MYO6: variants seen among roughly 807,000 people sequenced by gnomAD.
MYO6 encodes myosin VI, also known as unconventional myosin-VI.
Under a neutral mutation model 178.7 loss-of-function variants are expected in MYO6, and 74 were observed. That is an observed-to-expected ratio of 0.41 (90% CI 0.34 to 0.50). The LOEUF is 0.50. Ranked by LOEUF, MYO6 falls within the 20% of genes least tolerant of loss-of-function variation. The pLI is 0.09. For missense variants in MYO6, 1,330 were observed against 1,547.4 expected (o/e 0.86, Z 2.36); for synonymous variants, 477 against 504.6 (o/e 0.95, Z 0.73).
Position 75,918,308 on chromosome 6 carries a change from G to T in MYO6, c.*3296G>T, listed in dbSNP as rs7741414. 16,424 of 146,258 alleles carry T rather than the reference G, an allele frequency of 0.11. 1,781 individuals carry two copies. The highest frequency in any genetic ancestry group is 0.27 in the African/African-American group (11,218 of 41,118). The allele number at this position is 146,258 out of a possible 1,614,324, so 9.1% of individuals were successfully genotyped here. A position where few individuals can be genotyped will look rare whatever the true frequency, so the allele number is the denominator to read the frequency against. On this transcript the variant is annotated 3_prime_UTR_variant, in exon 35 of 35. Transcript: ENST00000369977. The stretch of plus-strand genomic sequence containing the variant: ...ACATGAGAATAAGGACATGTTAGAG[G>T]GGGGGAAACAGTTGTAACAATAAGG...
chr6:75,790,570 T>C (rs1768125622), intron 1 of MYO6, among the ~76,000 whole-genome samples: 1 of 152,022 alleles, frequency 6.6e-6, no homozygotes, highest in South Asian at 2.1e-4. Flanking sequence ...TTAGTAGAGA[T>C]GTTTCACCAT....
At chr6:75,901,972 A>T (rs529455524) in intron 30 of MYO6, among the ~76,000 whole-genome samples, 1 of 152,202 alleles carries the variant, frequency 6.6e-6, no homozygotes, top group Admixed American at 6.5e-5. Context: ...TTCTGCATCT[A>T]TTGAGATAAT....
chr6:75,789,444 G>T (rs1206833268), intron 1 of MYO6, among the ~76,000 whole-genome samples: 1 of 152,028 alleles, frequency 6.6e-6, no homozygotes, highest in Non-Finnish European at 1.5e-5. Context: ...ACCTGTGGTT[G>T]TTCACTCTTC....
At chr6:75,861,181 A>G (rs770663347) in intron 15 of MYO6, 86 bp downstream of exon 15, 29 of 1,036,956 alleles carry the variant, frequency 2.8e-5, no homozygotes, top group Non-Finnish European at 4.1e-5. Flanking sequence ...TTTAATTGAC[A>G]TTACTTGTTA....
chr6:75,860,997 T>G, intron 14 of MYO6, 26 bp from the exon 15 acceptor site: 1 of 1,476,504 alleles, frequency 6.8e-7, no homozygotes, highest in Non-Finnish European at 9.5e-7. Flanking sequence ...TTGCTGTATC[T>G]ATGATTATGA....
intron 23 of MYO6, among the ~76,000 whole-genome samples, chr6:75,882,824 GA>G (rs985450419): frequency 1.2e-4 from 18 of 152,106 alleles, no homozygotes; most frequent in Non-Finnish European, 2.9e-5. Context: ...TATTCATAAA[GA>G]ATAGGGCGAA....
At chr6:75,908,919 ACACT>A (rs1780554362) in intron 32 of MYO6, among the ~76,000 whole-genome samples, 1 of 152,234 alleles carries the variant, frequency 6.6e-6, no homozygotes, top group Admixed American at 6.5e-5. Context: ...ACACGTGCAC[ACACT>A]CACAAGATTA....
chr6:75,895,304 C>CT, intron 29 of MYO6, 44 bp downstream of exon 29: 1 of 1,478,916 alleles, frequency 6.8e-7, no homozygotes, highest in Non-Finnish European at 9.4e-7. Flanking sequence ...GTTGTAGATA[C>CT]TTTTTGGGAG....
chr6:75,911,347 A>T (rs1177682578), intron 32 of MYO6, among the ~76,000 whole-genome samples: 1 of 152,010 alleles, frequency 6.6e-6, no homozygotes, highest in Non-Finnish European at 1.5e-5. Context: ...TATGAAAGGT[A>T]CTATAATGTC....
At chr6:75,789,343 G>T (rs1196438422) in intron 1 of MYO6, among the ~76,000 whole-genome samples, 2 of 152,048 alleles carry the variant, frequency 1.3e-5, no homozygotes, top group Non-Finnish European at 2.9e-5. Context: ...GGAGATACAT[G>T]GTCTTTCATT....
At chr6:75,837,315 C>A (rs1195653107) in intron 7 of MYO6, among the ~76,000 whole-genome samples, 2 of 152,148 alleles carry the variant, frequency 1.3e-5, no homozygotes, top group African/African-American at 4.8e-5. Context: ...TCATATAGTT[C>A]ATCAGTTGTG....
At chr6:75,891,179 ATTCT>A in intron 26 of MYO6, 45 bp from the exon 27 acceptor site, 2 of 1,295,972 alleles carry the variant, frequency 1.5e-6, no homozygotes, top group Non-Finnish European at 1.1e-6. Context: ...CTTCTGAAGG[ATTCT>A]TTATTTTCTG....
rs181114639 is a variant in MYO6 at position 75,768,930 on chromosome 6, C to T, written c.-48+19507C>T. Among the ~76,000 whole-genome samples the T allele has an allele frequency of 1.5e-3, 227 of 152,204 alleles. 1 individual carries two copies. The Middle Eastern group carries it at 0.017, about 11-fold the overall frequency. On this transcript the variant is annotated intron_variant, in intron 1 of 34. Coordinates refer to ENST00000369977, the MANE Select transcript of MYO6 (RefSeq NM_004999.4). ...ACCAGCATCTGCTTCTGGTGAGGGCCTCAGGAAGCTTACTGTCATAGTGAA... is the reference window on the plus strand; with the variant it reads ...ACCAGCATCTGCTTCTGGTGAGGGCTTCAGGAAGCTTACTGTCATAGTGAA...
chr6:75,880,072 A>T lies in MYO6; in HGVS notation c.2238A>T (p.Glu746Asp). 1 of 1,612,282 alleles carries T rather than the reference A, an allele frequency of 6.2e-7. No individual in the cohort carries two copies. Among genetic ancestry groups the T allele is most frequent in the Non-Finnish European group, 8.5e-7 (1 of 1,179,808 alleles). ...TGTTTAAAGCTTTGGGCTTAAATGA[A>T]AATGACTACAAGTTTGGGTTAACCA... ...KALFKALGLN[E>D]NDYKFGLTKV... Residue 746 changes from glutamate (E) to aspartate (D), a missense_variant, in exon 22 of 35, where the codon GAA becomes GAT. Physicochemically the swap from Glu to Asp is conservative, Grantham distance 45 (BLOSUM62 2). Coordinates refer to ENST00000369977, the MANE Select transcript of MYO6 (RefSeq NM_004999.4).
chr6:75,832,290 A>G (rs1331831509), intron 5 of MYO6, among the ~76,000 whole-genome samples: 2 of 152,226 alleles, frequency 1.3e-5, no homozygotes, highest in Non-Finnish European at 2.9e-5. Flanking sequence ...TAGTTGTATT[A>G]GAGGAAAAAA....
At chr6:75,762,603 C>T (rs947266465) in intron 1 of MYO6, among the ~76,000 whole-genome samples, 2 of 152,202 alleles carry the variant, frequency 1.3e-5, no homozygotes, top group African/African-American at 4.8e-5. Context: ...ATGCCCCACT[C>T]TCAAGTCCAG....
intron 13 of MYO6, 22 bp downstream of exon 13, chr6:75,857,276 A>G (rs770248906): frequency 1.2e-6 from 2 of 1,604,604 alleles, no homozygotes; most frequent in Admixed American, 1.7e-5. Context: ...TTCTTTTGTG[A>G]GTATATATTT....
At position 75,812,990 on chromosome 6, in the gene MYO6, T is replaced by A. The variant is rs80278088; in HGVS notation, c.-47-4511T>A. ...TGGGATTGCTGGATCATATGGTCAT[T>A]ATATTTTTAGTTTTTTAAGGAACCT... On this transcript the variant is annotated intron_variant, in intron 1 of 34. Transcript: ENST00000369977. Among the ~76,000 whole-genome samples, 669 of 152,284 alleles carry A rather than the reference T, an allele frequency of 4.4e-3. 16 individuals are homozygous for A. The East Asian group carries it at 0.046, about 10-fold the overall frequency.
chr6:75,765,170 CTTTTTTTT>C (rs71002762), intron 1 of MYO6, among the ~76,000 whole-genome samples: 3 of 57,684 alleles, frequency 5.2e-5, no homozygotes, highest in Non-Finnish European at 8.7e-5. Flanking sequence ...AAAAAAAAAG[CTTTTTTTT>C]TTTTTTTTTT....
Sources: gnomAD v4.1 joint callset for allele counts (sites outside exome capture counted in the v4.1 genomes callset) on GRCh38, gnomAD v4.1.1 for gene constraint, MANE v1.5 for transcripts, NCBI Gene and HGNC (gene_info 2026-07-23, HGNC 2026-07-21) for gene names.